Variants in EDN3 observed in about 807,000 individuals in gnomAD.
EDN3 encodes the protein endothelin-3.
EDN3 carries 9 observed loss-of-function variants against 21.4 expected under a neutral mutation model. That is an observed-to-expected ratio of 0.42 (90% CI 0.25 to 0.73). The LOEUF is 0.73. EDN3 is among the 30% of genes least tolerant of loss of function. The pLI, the probability that EDN3 is intolerant of heterozygous loss-of-function variation, is 0.26. For missense variants in EDN3, 327 were observed against 309.4 expected (o/e 1.06, Z -0.43); for synonymous variants, 133 against 126.2 (o/e 1.05, Z -0.36).
chr20:59,321,766 G>A (rs1387441863), intron 3 of EDN3, among the ~76,000 whole-genome samples: 2 of 152,152 alleles, frequency 1.3e-5, no homozygotes, highest in African/African-American at 4.8e-5. Flanking sequence ...GCCCCTGGAG[G>A]CCCCCAAGTT....
chr20:59,303,016 C>T (rs1237239201), intron 2 of EDN3, among the ~76,000 whole-genome samples: 1 of 152,192 alleles, frequency 6.6e-6, no homozygotes, highest in East Asian at 1.9e-4. Flanking sequence ...AACATCACCC[C>T]ACCATGCTTG....
intron 2 of EDN3, among the ~76,000 whole-genome samples, chr20:59,315,984 G>C (rs913176326): frequency 2.0e-5 from 3 of 152,162 alleles, no homozygotes; most frequent in African/African-American, 7.2e-5. Flanking sequence ...AAACGACTGA[G>C]ACCATTCTGG....
Position 59,300,771 on chromosome 20 carries a change from G to A in EDN3, c.-42G>A. ...CAGTGCCCTTTCGCGGCCACAAGCG[G>A]CCGTCCTCCTGGTCCGGTGCTCCGG... On this transcript the variant is annotated 5_prime_UTR_variant, in exon 1 of 5. Transcript: ENST00000337938. 1.3e-6 allele frequency: 2 copies of A among 1,594,984 alleles called. No homozygotes were observed. Among genetic ancestry groups the A allele is most frequent in the Non-Finnish European group, 1.7e-6 (2 of 1,172,378 alleles).
chr20:59,324,950 T>G lies in EDN3; in HGVS notation c.*491T>G. ...ACGAGGCGTCGGCTTTAGACACAGATCATAGCTCTACAGGAGTTTATGAAT... is the reference window on the plus strand; with the variant it reads ...ACGAGGCGTCGGCTTTAGACACAGAGCATAGCTCTACAGGAGTTTATGAAT... On this transcript the variant is annotated 3_prime_UTR_variant, in exon 5 of 5. Transcript: ENST00000337938. 5.0e-6 allele frequency: 1 copy of G among 200,324 alleles called. No homozygotes were observed. 12.4% of individuals were successfully genotyped at this position (200,324 alleles called of 1,614,324 possible). A position where few individuals can be genotyped will look rare whatever the true frequency, so the allele number is the denominator to read the frequency against.
At position 59,305,343 on chromosome 20, in the gene EDN3, G is replaced by A. The variant is rs1272365958; in HGVS notation, c.365+3621G>A. 3.3e-5 allele frequency among the ~76,000 whole-genome samples: 5 copies of A among 152,194 alleles called. No individual in the cohort carries two copies. The highest frequency in any genetic ancestry group is 1.2e-4 in the African/African-American group (5 of 41,446). ...CAAGAATAAGATAGTAAGGGGACAG[G>A]TGGTGAACAAGGGGTCCGTGTGCTG... On this transcript the variant is annotated intron_variant, in intron 2 of 4. Transcript: ENST00000337938. This position sits in a 1 kb window ranked among gnomAD's most constrained non-coding sequence, Gnocchi z 4.2.
At chr20:59,324,207 A>G (rs1990708093) in intron 4 of EDN3, 124 bp from the exon 5 acceptor site, 1 of 1,249,432 alleles carries the variant, frequency 8.0e-7, no homozygotes, top group Admixed American at 1.7e-5. Context: ...TACAGTTCCA[A>G]TCAGGGAACA....
rs1055820168 is a variant in EDN3 at position 59,321,626 on chromosome 20, C to T, written c.542+433C>T. On this transcript the variant is annotated intron_variant, in intron 3 of 4. Transcript: ENST00000337938. ...TATTGGGAGGGGGGGGAACCCAGCA[C>T]GTAGGACCATCTGGTCTCAGAGCCC... 6.4e-4 allele frequency among the ~76,000 whole-genome samples: 97 copies of T among 152,294 alleles called. 1 individual carries two copies. Among genetic ancestry groups the T allele is most frequent in the South Asian group, 2.1e-4 (1 of 4,824 alleles).
intron 2 of EDN3, among the ~76,000 whole-genome samples, chr20:59,301,999 G>T (rs1989079942): frequency 6.6e-6 from 1 of 152,176 alleles, no homozygotes; most frequent in African/African-American, 2.4e-5. Flanking sequence ...GAAGTGAACT[G>T]ACCAGGGGGA....
intron 2 of EDN3, among the ~76,000 whole-genome samples, chr20:59,308,335 G>A (rs1360901720): frequency 6.6e-6 from 1 of 152,206 alleles, no homozygotes; most frequent in Non-Finnish European, 1.5e-5. Flanking sequence ...GGTTACGGGA[G>A]CAGGGCAGAC....
chr20:59,301,527 C>T lies in EDN3; in HGVS notation c.170C>T (p.Thr57Ile), dbSNP rs1989026872. 5 of 1,613,588 alleles carry T rather than the reference C, an allele frequency of 3.1e-6. No individual in the cohort carries two copies. Among genetic ancestry groups the T allele is most frequent in the Non-Finnish European group, 4.2e-6 (5 of 1,179,892 alleles). ...EETVAGPGEE[T>I]VAGPGEGTVA... Reference sequence around the variant, plus strand: ...ACTGTGGCTGGCCCTGGCGAGGAGACTGTGGCTGGCCCTGGCGAGGGGACT... The same window carrying T: ...ACTGTGGCTGGCCCTGGCGAGGAGATTGTGGCTGGCCCTGGCGAGGGGACT... The change falls in exon 2 of 5, where the codon ACT becomes ATT. Residue 57 changes from threonine to isoleucine, a missense_variant. Transcript: ENST00000337938.
intron 2 of EDN3, among the ~76,000 whole-genome samples, chr20:59,317,558 G>A (rs1235813792): frequency 6.6e-6 from 1 of 152,164 alleles, no homozygotes; most frequent in African/African-American, 2.4e-5. Flanking sequence ...CAGGTCATGT[G>A]TCTCTGTGTG....
In EDN3 at chr20:59,325,054, A is replaced by C. The variant is rs566044970; in HGVS notation, c.*595A>C. On this transcript the variant is annotated 3_prime_UTR_variant, in exon 5 of 5. Transcript: ENST00000337938. ...CAAAAGAATGTATCTCGAAAGAATG[A>C]AGGAAGAAGAAAAAAGGATCCTTGA... is the stretch of plus-strand genomic sequence containing the variant. 6.9e-5 allele frequency: 11 copies of C among 159,528 alleles called. No individual in the cohort carries two copies. Among genetic ancestry groups the C allele is most frequent in the African/African-American group, 2.6e-4 (11 of 41,614 alleles). 9.9% of individuals were successfully genotyped at this position (159,528 alleles called of 1,614,324 possible).
At chr20:59,321,325 A>G in intron 3 of EDN3, 132 bp downstream of exon 3, 1 of 1,105,684 alleles carries the variant, frequency 9.0e-7, no homozygotes, top group African/African-American at 1.5e-5. Flanking sequence ...CCTGTGGGCC[A>G]GAGAAAGGAG....
chr20:59,324,431 G>C lies in EDN3; in HGVS notation c.689G>C (p.Arg230Pro), dbSNP rs144250756. Residue 230 changes from arginine to proline, a missense_variant, in exon 5 of 5, where the codon CGC becomes CCC. By Grantham distance (103) the Arg-to-Pro change is moderately radical. Coordinates refer to ENST00000337938, the MANE Select transcript of EDN3 (RefSeq NM_207034.3). The part of the protein sequence containing the change: ...GLALAPSTCP[R>P]CLFQEGAP ...GCCCTCGCTCCATCTACCTGCCCCC[G>C]CTGCCTCTTTCAGGAAGGAGCCCCT... 125 of 1,613,746 alleles carry C rather than the reference G, an allele frequency of 7.7e-5. No individual in the cohort carries two copies. Among genetic ancestry groups the C allele is most frequent in the Non-Finnish European group, 1.0e-4 (119 of 1,180,004 alleles).
Position 59,324,367 on chromosome 20 carries a change from G to A in EDN3, c.625G>A (p.Asp209Asn). 6.2e-7 allele frequency: 1 copy of A among 1,614,042 alleles called. No individual in the cohort carries two copies. The highest frequency in any genetic ancestry group is 8.5e-7 in the Non-Finnish European group (1 of 1,180,004). Residue 209 changes from aspartate to asparagine, a missense_variant, in exon 5 of 5, where the codon GAC (aspartate) becomes AAC (asparagine). By Grantham distance (23) the Asp-to-Asn change is conservative. Transcript: ENST00000337938. ...GGACCAACAAAGCAAGCAGGCTTTA[G>A]ACCTCCACCATCCAAAGCTCATGCC... ...VKDQQSKQAL[D>N]LHHPKLMPGS... is the part of the protein sequence containing the mutation.
intron 2 of EDN3, among the ~76,000 whole-genome samples, chr20:59,320,236 T>G (rs185041529): frequency 6.6e-6 from 1 of 152,200 alleles, no homozygotes; most frequent in Non-Finnish European, 1.5e-5. Context: ...GGTCACGGAG[T>G]GTTCCTTCTG....
intron 2 of EDN3, among the ~76,000 whole-genome samples, chr20:59,308,094 T>C (rs2146836695): frequency 6.6e-6 from 1 of 152,320 alleles, no homozygotes; most frequent in South Asian, 2.1e-4. Context: ...GATTTTCCTT[T>C]AGCCTACCAG....
In EDN3 at chr20:59,322,363, T is replaced by C; in HGVS notation, c.543-9T>C. On this transcript the variant is annotated splice_polypyrimidine_tract_variant and intron_variant, in intron 3 of 4. Coordinates refer to ENST00000337938, the MANE Select transcript of EDN3 (RefSeq NM_207034.3). This position sits in a 1 kb window ranked among gnomAD's most constrained non-coding sequence, Gnocchi z 4.1. ...GGTTGATTGATTAAAACCAGCTCTC[T>C]CCCCACAGTAATTCAAGGACGGCAG... The C allele has an allele frequency of 1.2e-6, 2 of 1,613,868 alleles. No homozygotes were observed. The highest frequency in any genetic ancestry group is 1.7e-6 in the Non-Finnish European group (2 of 1,179,980).
chr20:59,308,836 G>C (rs1371022363), intron 2 of EDN3, among the ~76,000 whole-genome samples: 2 of 152,154 alleles, frequency 1.3e-5, no homozygotes, highest in Admixed American at 1.3e-4. Context: ...GAAAGTCCTT[G>C]CTCAAGTTCT....
Sources: allele counts gnomAD v4.1 joint callset (sites outside exome capture counted in the v4.1 genomes callset), GRCh38; gene constraint gnomAD v4.1.1; non-coding constraint Gnocchi (gnomAD v3.1); transcripts MANE v1.5; gene names NCBI Gene and HGNC (gene_info 2026-07-23, HGNC 2026-07-21).